SECISBP2: variants seen among roughly 807,000 people sequenced by gnomAD.
The protein encoded by SECISBP2 is SECIS binding protein 2, also known as selenocysteine insertion sequence-binding protein 2.
SECISBP2 carries 96 observed loss-of-function variants against 98.2 expected under a neutral mutation model. That is an observed-to-expected ratio of 0.98 (90% CI 0.83 to 1.16). The LOEUF is 1.16. Ranked by LOEUF, SECISBP2 falls within the 50% of genes most tolerant of loss-of-function variation. The pLI is 0.00. For missense variants in SECISBP2, 1,046 were observed against 1,022.9 expected, an observed-to-expected ratio of 1.02 and a Z score of -0.31; for synonymous variants, 407 against 370.2, an observed-to-expected ratio of 1.10 and a Z score of -1.14.
downstream of SECISBP2, chr9:89,364,231 C>T (rs138165023): frequency 1.5e-3 from 809 of 535,408 alleles, 4 homozygotes; most frequent in African/African-American, 0.014. Flanking sequence ...CCCTTTCTTG[C>T]AGCGCTGTGC....
chr9:89,361,389 A>G (rs1296849534), downstream of SECISBP2: 2 of 152,242 alleles, frequency 1.3e-5, no homozygotes, highest in African/African-American at 4.8e-5. Context: ...TAGGATCACC[A>G]GAGGGGTGCG....
chr9:89,356,102 G>C (rs573196029), intron 14 of SECISBP2, among the ~76,000 whole-genome samples: 6 of 152,330 alleles, frequency 3.9e-5, no homozygotes, highest in South Asian at 4.1e-4. Context: ...TAGGAACTGG[G>C]TGGCACAGCA....
intron 2 of SECISBP2, among the ~76,000 whole-genome samples, chr9:89,321,613 C>T (rs1239392324): frequency 6.6e-6 from 1 of 152,004 alleles, no homozygotes; most frequent in African/African-American, 2.4e-5. Context: ...TTGCAGTGAG[C>T]CAAGACTGCG....
At chr9:89,338,618 T>G in intron 8 of SECISBP2, 38 bp downstream of exon 8, 3 of 1,596,032 alleles carry the variant, frequency 1.9e-6, no homozygotes, top group Non-Finnish European at 2.6e-6. Context: ...TGTGATATAA[T>G]AAGTGGGTCT....
In SECISBP2 at chr9:89,332,968, TCTC is replaced by T; in HGVS notation, c.865_867del (p.Pro289del). On this transcript the variant is annotated inframe_deletion, in exon 6 of 17. Transcript: ENST00000375807. ...TGTAACTGCTAATGCCGCTACCAAT[TCTC>T]CTTCATGTACAAGAGGTAAAAGTGG... The T allele has an allele frequency of 1.2e-6, 2 of 1,613,860 alleles. No homozygotes were observed. The highest frequency in any genetic ancestry group is 1.7e-6 in the Non-Finnish European group (2 of 1,179,834).
intron 6 of SECISBP2, 64 bp from the exon 7 acceptor site, chr9:89,334,458 A>G (rs1370818996): frequency 1.5e-6 from 2 of 1,337,466 alleles, no homozygotes; most frequent in Non-Finnish European, 2.1e-6. Flanking sequence ...TGCATGTTTG[A>G]GTAACTAAGG....
intron 14 of SECISBP2, among the ~76,000 whole-genome samples, chr9:89,354,157 CT>C (rs978539496): frequency 2.0e-5 from 3 of 152,228 alleles, no homozygotes; most frequent in Admixed American, 2.0e-4. Context: ...GCCACACGTG[CT>C]TTCATCTCAC....
chr9:89,318,540 T>A lies in SECISBP2; in HGVS notation c.-37T>A, dbSNP rs1361315576. On this transcript the variant is annotated 5_prime_UTR_variant, in exon 1 of 17. Coordinates refer to ENST00000375807, the MANE Select transcript of SECISBP2 (RefSeq NM_024077.5). Reference sequence around the variant, plus strand: ...GTCCGGCAAGCCGACGGCCCGCTGCTGGCCTCCGTGACGCGGCCTCCTCCG... The same window carrying A: ...GTCCGGCAAGCCGACGGCCCGCTGCAGGCCTCCGTGACGCGGCCTCCTCCG... The A allele has an allele frequency of 6.6e-7, 1 of 1,511,578 alleles. No homozygotes were observed. The highest frequency in any genetic ancestry group is 2.0e-5 in the Admixed American group (1 of 49,222). The allele number at this position is 1,511,578 out of a possible 1,614,324, so 93.6% of individuals were successfully genotyped here.
At chr9:89,357,309 C>T (rs1832239999) in intron 14 of SECISBP2, 102 bp from the exon 15 acceptor site, 1 of 1,275,414 alleles carries the variant, frequency 7.8e-7, no homozygotes, top group African/African-American at 1.5e-5. Flanking sequence ...GATATAAAAT[C>T]ATAGATGGGT....
chr9:89,325,385 G>A (rs761754027), intron 2 of SECISBP2, 42 bp from the exon 3 acceptor site: 1 of 1,598,036 alleles, frequency 6.3e-7, no homozygotes, highest in Admixed American at 1.7e-5. Context: ...TTCTTGGTTT[G>A]CAGTATGAAA....
chr9:89,338,405 A>G, intron 7 of SECISBP2, 53 bp from the exon 8 acceptor site: 12 of 1,603,944 alleles, frequency 7.5e-6, no homozygotes, highest in African/African-American at 1.3e-5. Context: ...AGTATTAAAC[A>G]TTCTATTGAC....
chr9:89,343,505 C>T (rs1182130611), intron 10 of SECISBP2, among the ~76,000 whole-genome samples: 1 of 152,114 alleles, frequency 6.6e-6, no homozygotes. Flanking sequence ...TTCCTCCCAC[C>T]CTCAAGTAGG....
chr9:89,335,439 TCTC>T (rs1828502319), intron 7 of SECISBP2, among the ~76,000 whole-genome samples: 1 of 151,804 alleles, frequency 6.6e-6, no homozygotes, highest in Non-Finnish European at 1.5e-5. Flanking sequence ...CTCAAGCAAT[TCTC>T]CTGCCTCTGC....
intron 7 of SECISBP2, among the ~76,000 whole-genome samples, chr9:89,337,966 G>A (rs1829040366): frequency 6.6e-6 from 1 of 152,254 alleles, no homozygotes; most frequent in African/African-American, 2.4e-5. Flanking sequence ...TGACCTGGAT[G>A]AGGAGAGGCC....
intron 14 of SECISBP2, among the ~76,000 whole-genome samples, chr9:89,351,258 G>C (rs1189057160): frequency 6.6e-6 from 1 of 152,206 alleles, no homozygotes; most frequent in Non-Finnish European, 1.5e-5. Flanking sequence ...GTCTGTGGTT[G>C]ACTCATCTGT....
Position 89,325,921 on chromosome 9 carries a change from A to C in SECISBP2, c.457A>C (p.Thr153Pro). ...GAAGAAAACCTATGATGAGAAAAAA[A>C]CGTATGATCAGCAAAAGTTTGACAG... ...FKKKTYDEKK[T>P]YDQQKFDSER... The change falls in exon 4 of 17, where the codon ACG (threonine) becomes CCG (proline). Residue 153 changes from threonine to proline, a missense_variant. Transcript: ENST00000375807. 1 of 1,614,092 alleles carries C rather than the reference A, an allele frequency of 6.2e-7. No homozygotes were observed. Among genetic ancestry groups the C allele is most frequent in the Non-Finnish European group, 8.5e-7 (1 of 1,180,022 alleles).
chr9:89,338,144 T>A lies in SECISBP2; in HGVS notation c.1090-314T>A, dbSNP rs74647831. On this transcript the variant is annotated intron_variant, in intron 7 of 16. Transcript: ENST00000375807. Reference sequence around the variant, plus strand: ...GATGGAAATGGCCTGCCTGGAATTATATGGAGAGGTTAGGCTGGGATCAGG... The same window carrying A: ...GATGGAAATGGCCTGCCTGGAATTAAATGGAGAGGTTAGGCTGGGATCAGG... Among the ~76,000 whole-genome samples the A allele has an allele frequency of 8.5e-3, 1,287 of 152,280 alleles. 15 individuals are homozygous for A. The highest frequency in any genetic ancestry group is 0.03 in the African/African-American group (1,238 of 41,568).
At chr9:89,329,136 C>CT in intron 5 of SECISBP2, 2 of 461,502 alleles carry the variant, frequency 4.3e-6, no homozygotes, top group Non-Finnish European at 7.9e-6. Flanking sequence ...GTTTTTGAAA[C>CT]GGAGTCTCGC....
intron 16 of SECISBP2, 88 bp from the exon 17 acceptor site, chr9:89,358,633 G>C (rs561602982): frequency 9.3e-6 from 8 of 864,594 alleles, no homozygotes; most frequent in African/African-American, 3.3e-5. Context: ...GTGGCCACAG[G>C]CTCCCTCTCT....
Sources: allele counts gnomAD v4.1 joint callset (sites outside exome capture counted in the v4.1 genomes callset), GRCh38; gene constraint gnomAD v4.1.1; transcripts MANE v1.5; gene names NCBI Gene and HGNC (gene_info 2026-07-23, HGNC 2026-07-21).